Variants in VWA5B2 observed in about 807,000 individuals in gnomAD.
VWA5B2 encodes the protein von Willebrand factor A domain containing 5B2.
A neutral mutation model predicts 118.5 loss-of-function variants in VWA5B2; 93 were observed. The observed-to-expected ratio is 0.79, with a 90% CI of 0.66 to 0.93. The LOEUF (loss-of-function observed/expected upper bound fraction) is 0.93. Among genes scored for constraint, VWA5B2 ranks in the 40% least tolerant of loss-of-function variants. The pLI is 0.00. For synonymous variants in VWA5B2, 708 were observed against 716.3 expected (o/e 0.99, Z 0.19); for missense variants, 1,546 against 1,672.8 (o/e 0.92, Z 1.32).
In VWA5B2 at chr3:184,233,425, C is replaced by T. The variant is rs1717604822; in HGVS notation, c.530+28C>T. ...TGGGCCTATGGTGATTCTCTTCGTC[C>T]CTCCCTCGGCTTCTCTGGGTCTAGT... On this transcript the variant is annotated intron_variant, in intron 4 of 19. Transcript: ENST00000691901. The surrounding 1 kb of genome is among the most constrained non-coding windows in gnomAD (Gnocchi z 5.2). 1 of 1,501,458 alleles carries T rather than the reference C, an allele frequency of 6.7e-7. No homozygotes were observed. The highest frequency in any genetic ancestry group is 1.4e-5 in the African/African-American group (1 of 71,500). The allele number at this position is 1,501,458 out of a possible 1,614,324, so 93.0% of individuals were successfully genotyped here.
Position 184,237,249 on chromosome 3 carries a change from A to C in VWA5B2, c.1557A>C (p.Ala519=). The change falls in exon 12 of 20, where the codon GCA becomes GCC. Residue 519 remains alanine, a synonymous_variant. Transcript: ENST00000691901. This position sits in a 1 kb window ranked among gnomAD's most constrained non-coding sequence, Gnocchi z 5.6. ...AGCTGGTACAGGCTCTGCGGAAGGC[A>C]CTGGAGCCTGCTTTGAGTGACATCT... is the stretch of plus-strand genomic sequence containing the variant. The part of the protein sequence containing the change: ...QPMLVQALRK[A]LEPALSDISV... 1 of 1,551,446 alleles carries C rather than the reference A, an allele frequency of 6.4e-7. No homozygotes were observed. Among genetic ancestry groups the C allele is most frequent in the Non-Finnish European group, 8.7e-7 (1 of 1,146,956 alleles).
chr3:184,233,298 C>T lies in VWA5B2; in HGVS notation c.431C>T (p.Pro144Leu). ...AGCAGCCGGGAGCTGCCCTCAAGGC[C>T]TGACGGGGTGCTGCATGTGGCCCTG... Reference protein sequence around the residue: ...LHSSRELPSRPDGVLHVALPT... With the variant: ...LHSSRELPSRLDGVLHVALPT... Residue 144 changes from proline (P) to leucine (L), a missense_variant, in exon 4 of 20, where the codon CCT becomes CTT. Transcript: ENST00000691901. This position sits in a 1 kb window ranked among gnomAD's most constrained non-coding sequence, Gnocchi z 5.2. 2 of 1,538,696 alleles carry T rather than the reference C, an allele frequency of 1.3e-6. No homozygotes were observed. The highest frequency in any genetic ancestry group is 1.8e-6 in the Non-Finnish European group (2 of 1,141,048).
Position 184,239,335 on chromosome 3 carries a change from T to C in VWA5B2, c.2203-59T>C, listed in dbSNP as rs115249758. 3.1e-4 allele frequency: 446 copies of C among 1,455,368 alleles called. No individual in the cohort carries two copies. The African/African-American group carries it at 5.9e-3, about 19-fold the overall frequency. The allele number at this position is 1,455,368 out of a possible 1,614,324, so 90.2% of individuals were successfully genotyped here. The stretch of plus-strand genomic sequence containing the variant: ...GGGGCATGGGCCAGCTGTGCACCCA[T>C]GTATGATGGTCAAGGGTTCTGCATT... On this transcript the variant is annotated intron_variant, in intron 14 of 19. Transcript: ENST00000691901. This position sits in a 1 kb window ranked among gnomAD's most constrained non-coding sequence, Gnocchi z 5.1.
At chr3:184,231,023 T>C (rs1717343403) in intron 3 of VWA5B2, 106 bp downstream of exon 3, 6 of 1,188,438 alleles carry the variant, frequency 5.0e-6, no homozygotes, top group Non-Finnish European at 5.2e-6. Context: ...GGGCACTGCC[T>C]TGTGCATTCA....
At position 184,235,212 on chromosome 3, in the gene VWA5B2, G is replaced by A. The variant is rs1205090103; in HGVS notation, c.1005G>A (p.Leu335=). ...TCCTGCTGAACCCCGTGCTGGCGCT[G>A]AGCTTCTGCCCAGACCTGAGCTCCA... ...KDILLNPVLA[L]SFCPDLSSKP... The change falls in exon 8 of 20, where the codon CTG becomes CTA. Residue 335 remains leucine (L), a synonymous_variant. Coordinates refer to ENST00000691901, the MANE Select transcript of VWA5B2 (RefSeq NM_001390846.1). The A allele has an allele frequency of 1.3e-6, 2 of 1,551,566 alleles. No homozygotes were observed. The highest frequency in any genetic ancestry group is 8.7e-7 in the Non-Finnish European group (1 of 1,146,988).
At position 184,238,235 on chromosome 3, in the gene VWA5B2, CTAAAAA is replaced by C; in HGVS notation, c.1720-66_1720-61del. On this transcript the variant is annotated intron_variant, in intron 12 of 19. Coordinates refer to ENST00000691901, the MANE Select transcript of VWA5B2 (RefSeq NM_001390846.1). This position sits in a 1 kb window ranked among gnomAD's most constrained non-coding sequence, Gnocchi z 5.0. ...TTTGTTGCCTCTTGCTGTGAGCCAT[CTAAAAA>C]TGTTTGGAAAGAGGTAGCACATAAC... 7.4e-7 allele frequency: 1 copy of C among 1,356,226 alleles called. No homozygotes were observed. The highest frequency in any genetic ancestry group is 9.8e-7 in the Non-Finnish European group (1 of 1,016,192). The allele number at this position is 1,356,226 out of a possible 1,614,324, so 84.0% of individuals were successfully genotyped here.
rs374722127 is a variant in VWA5B2, at chr3:184,235,146, C to G, written c.946-7C>G. On this transcript the variant is annotated splice_region_variant and splice_polypyrimidine_tract_variant and intron_variant, in intron 7 of 19. Coordinates refer to ENST00000691901, the MANE Select transcript of VWA5B2 (RefSeq NM_001390846.1). ...TGCCCAGGCTGACTTGGGACTCCCC[C>G]GCTCAGGTGTGGTTCCTGCAGCGAC... 2 of 1,550,396 alleles carry G rather than the reference C, an allele frequency of 1.3e-6. No individual in the cohort carries two copies. Among genetic ancestry groups the G allele is most frequent in the Non-Finnish European group, 1.7e-6 (2 of 1,146,134 alleles).
Position 184,239,708 on chromosome 3 carries a change from C to T in VWA5B2, c.2412C>T (p.Ala804=), listed in dbSNP as rs1295573490. The T allele has an allele frequency of 6.1e-6, 9 of 1,480,998 alleles. No individual in the cohort carries two copies. The highest frequency in any genetic ancestry group is 7.2e-6 in the Non-Finnish European group (8 of 1,109,026). 91.7% of individuals were successfully genotyped at this position (1,480,998 alleles called of 1,614,324 possible). A position where few individuals can be genotyped will look rare whatever the true frequency, so the allele number is the denominator to read the frequency against. The change falls in exon 16 of 20, where the codon GCC becomes GCT. Residue 804 remains alanine (A), a synonymous_variant. Transcript: ENST00000691901. The surrounding 1 kb of genome is among the most constrained non-coding windows in gnomAD (Gnocchi z 5.1). ...CCCCAGGAAACCTGCTCTCCCCAGC[C>T]CCTATGGACTGGGACATGCTGATGG... The part of the protein sequence containing the change: ...LDDSGNLLSP[A]PMDWDMLMEP...
In VWA5B2 at chr3:184,238,312, C is replaced by A. The variant is rs374687989; in HGVS notation, c.1729C>A (p.Pro577Thr). 222 of 1,519,530 alleles carry A rather than the reference C, an allele frequency of 1.5e-4. No homozygotes were observed. In the Middle Eastern group the frequency reaches 3.4e-3, roughly 24 times the overall value. The allele number at this position is 1,519,530 out of a possible 1,614,324, so 94.1% of individuals were successfully genotyped here. ...FRSRPPGGQE[P>T]GWQSSGGSVF... ...ATAATATTCTCTCTAGGGCCAAGAG[C>A]CTGGCTGGCAGAGCTCGGGTGGGTC... The change falls in exon 13 of 20, where the codon CCT becomes ACT. Residue 577 changes from proline to threonine, a missense_variant. Around this residue, in one of 3 missense-constraint regions of VWA5B2, gnomAD observed 775 missense variants for 882.3 expected, o/e 0.88. Transcript: ENST00000691901. This position sits in a 1 kb window ranked among gnomAD's most constrained non-coding sequence, Gnocchi z 5.0.
Position 184,235,228 on chromosome 3 carries a change from C to G in VWA5B2, c.1021C>G (p.Leu341Val). Residue 341 changes from leucine to valine, a missense_variant, in exon 8 of 20, where the codon CTG becomes GTG. By Grantham distance (32) the Leu-to-Val change is conservative (BLOSUM62 1). This residue lies in a region of VWA5B2 where 775 missense variants were observed against 882.3 expected (regional missense o/e 0.88). Transcript: ENST00000691901. ...PVLALSFCPD[L>V]SSKPGHLGTA... ...GCTGGCGCTGAGCTTCTGCCCAGAC[C>G]TGAGCTCCAAGCCCGGACACCTGGG... is the stretch of plus-strand genomic sequence containing the variant. The G allele has an allele frequency of 5.2e-6, 8 of 1,551,710 alleles. No homozygotes were observed. Among genetic ancestry groups the G allele is most frequent in the Non-Finnish European group, 6.1e-6 (7 of 1,146,978 alleles).
At position 184,241,534 on chromosome 3, in the gene VWA5B2, C is replaced by T; in HGVS notation, c.3225C>T (p.Pro1075=). The part of the protein sequence containing the change: ...EAPGSFRLDA[P]FCAAVRISQE... ...CAGGCTCCTTCCGCCTGGACGCGCC[C>T]TTCTGCGCCGCTGTGCGCATCTCGC... The change falls in exon 20 of 20, where the codon CCC becomes CCT. Residue 1075 remains proline, a synonymous_variant. Transcript: ENST00000691901. The surrounding 1 kb of genome is among the most constrained non-coding windows in gnomAD (Gnocchi z 5.1). 1 of 1,550,044 alleles carries T rather than the reference C, an allele frequency of 6.5e-7. No individual in the cohort carries two copies. Among genetic ancestry groups the T allele is most frequent in the Non-Finnish European group, 8.7e-7 (1 of 1,146,826 alleles).
intron 3 of VWA5B2, among the ~76,000 whole-genome samples, chr3:184,232,199 G>A (rs1717465349): frequency 2.0e-5 from 3 of 152,042 alleles, no homozygotes; most frequent in Admixed American, 1.3e-4. Flanking sequence ...AGGGGTCACT[G>A]ACTTATATGT....
rs1049004948 is a variant in VWA5B2 at position 184,233,098 on chromosome 3, C to G, written c.311-80C>G. The G allele has an allele frequency of 2.2e-6, 3 of 1,357,734 alleles. No homozygotes were observed. Among genetic ancestry groups the G allele is most frequent in the African/African-American group, 1.4e-5 (1 of 69,084 alleles). 84.1% of individuals were successfully genotyped at this position (1,357,734 alleles called of 1,614,324 possible). ...GTCCCCCTTGCCCAGGCTCCCTGAC[C>G]CAATGCCTGCTTCCACATCTAGCTT... On this transcript the variant is annotated intron_variant, in intron 3 of 19. Transcript: ENST00000691901. This position sits in a 1 kb window ranked among gnomAD's most constrained non-coding sequence, Gnocchi z 5.2.
rs909444866 is a variant in VWA5B2 at position 184,234,663 on chromosome 3, G to A, written c.853G>A (p.Gly285Ser). The change falls in exon 7 of 20, where the codon GGC becomes AGC. Residue 285 changes from glycine (G) to serine (S), a missense_variant. Coordinates refer to ENST00000691901, the MANE Select transcript of VWA5B2 (RefSeq NM_001390846.1). ...PHQPHLMLEGGSLSSAEYEAR... is the reference protein window; with the variant it reads ...PHQPHLMLEGSSLSSAEYEAR... ...TCAGCCACACCTGATGCTGGAGGGC[G>A]GCAGCCTGAGCTCAGCAGAATATGA... is the stretch of plus-strand genomic sequence containing the variant. 1.3e-5 allele frequency: 20 copies of A among 1,551,272 alleles called. No individual in the cohort carries two copies. Among genetic ancestry groups the A allele is most frequent in the South Asian group, 2.4e-5 (2 of 84,066 alleles).
At position 184,233,681 on chromosome 3, in the gene VWA5B2, C is replaced by T; in HGVS notation, c.636C>T (p.Ala212=). Residue 212 remains alanine (A), a synonymous_variant, in exon 5 of 20, where the codon GCC becomes GCT. Transcript: ENST00000691901. The surrounding 1 kb of genome is among the most constrained non-coding windows in gnomAD (Gnocchi z 5.2). ...TCTCAGGCCCTGCCCGCTGCCCTGC[C>T]CCATATACCTTCTCCTTCGAGATGC... ...DVFSGPARCP[A]PYTFSFEMLV... 1 of 1,551,336 alleles carries T rather than the reference C, an allele frequency of 6.4e-7. No individual in the cohort carries two copies. The highest frequency in any genetic ancestry group is 8.7e-7 in the Non-Finnish European group (1 of 1,147,014).
chr3:184,230,327 C>T (rs1177180577), intron 1 of VWA5B2, 53 bp from the exon 2 acceptor site: 12 of 567,846 alleles, frequency 2.1e-5, no homozygotes, highest in African/African-American at 4.0e-5. Flanking sequence ...GGATGCCCTC[C>T]TCGCCACCAC....
In VWA5B2 at chr3:184,234,320, C is replaced by A; in HGVS notation, c.743C>A (p.Ser248Tyr). 1 of 1,551,744 alleles carries A rather than the reference C, an allele frequency of 6.4e-7. No individual in the cohort carries two copies. Among genetic ancestry groups the A allele is most frequent in the Non-Finnish European group, 8.7e-7 (1 of 1,147,010 alleles). Residue 248 changes from serine (S) to tyrosine (Y), a missense_variant, in exon 6 of 20, where the codon TCT (serine) becomes TAT (tyrosine). By Grantham distance (144) the Ser-to-Tyr change is moderately radical. This residue lies in a region of VWA5B2 where 775 missense variants were observed against 882.3 expected (regional missense o/e 0.88). Transcript: ENST00000691901. ...LRADAPPHAS[S>Y]AATICVTLAE... ...GCAGATGCCCCCCCTCATGCCAGCT[C>A]TGCAGCCACCATCTGTGTCACACTG... is the stretch of plus-strand genomic sequence containing the variant.
rs1717553519 is a variant in VWA5B2 at position 184,233,030 on chromosome 3, C to A, written c.311-148C>A. 3.0e-6 allele frequency: 2 copies of A among 662,454 alleles called. No individual in the cohort carries two copies. Among genetic ancestry groups the A allele is most frequent in the Non-Finnish European group, 2.6e-6 (1 of 381,692 alleles). The allele number at this position is 662,454 out of a possible 1,614,324, so 41.0% of individuals were successfully genotyped here. Reference sequence around the variant, plus strand: ...CCTGCCATCATTCATCTCATGCCTCCATCCTGCGTCACCAATGCATTAGCC... The same window carrying A: ...CCTGCCATCATTCATCTCATGCCTCAATCCTGCGTCACCAATGCATTAGCC... On this transcript the variant is annotated intron_variant, in intron 3 of 19. Transcript: ENST00000691901. The surrounding 1 kb of genome is among the most constrained non-coding windows in gnomAD (Gnocchi z 5.2).
At chr3:184,235,333 G>C in intron 8 of VWA5B2, 25 bp downstream of exon 8, 1 of 1,546,928 alleles carries the variant, frequency 6.5e-7, no homozygotes, top group Non-Finnish European at 8.7e-7. Context: ...GGTGTGGGCA[G>C]GCCTGGGGGT....
Sources: allele counts gnomAD v4.1 joint callset (sites outside exome capture counted in the v4.1 genomes callset), GRCh38; gene constraint gnomAD v4.1.1; regional missense constraint gnomAD v4.1.1; non-coding constraint Gnocchi (gnomAD v3.1); transcripts MANE v1.5; gene names NCBI Gene and HGNC (gene_info 2026-07-23, HGNC 2026-07-21).